FSIP1: variants seen among roughly 807,000 people sequenced by gnomAD.
The protein encoded by FSIP1 is fibrous sheath-interacting protein 1.
A neutral mutation model predicts 60.9 loss-of-function variants in FSIP1; 65 were observed. The ratio of observed to expected loss-of-function variants is 1.07; its 90% CI spans 0.87 to 1.31. FSIP1 has a LOEUF of 1.31. Among genes scored for constraint, FSIP1 ranks in the 40% most tolerant of loss-of-function variants. The pLI, the probability that FSIP1 is intolerant of heterozygous loss-of-function variation, is 0.00. For missense variants in FSIP1, 675 were observed against 665.5 expected, an observed-to-expected ratio of 1.01 and a Z score of -0.16; for synonymous variants, 209 against 221.2, an observed-to-expected ratio of 0.94 and a Z score of 0.49.
chr15:39,616,685 C>A (rs1458040947), intron 11 of FSIP1, among the ~76,000 whole-genome samples: 1 of 152,222 alleles, frequency 6.6e-6, no homozygotes, highest in Admixed American at 6.5e-5. Flanking sequence ...CATGGAGACA[C>A]TGAACAAGTT....
Position 39,651,621 on chromosome 15 carries a change from T to C in FSIP1, c.1189-33376A>G, listed in dbSNP as rs1471721207. ...ATTCAAAACACTTAACACATCATTG[T>C]GTGACTGTTATTGCTTTTTTGCTTA... On this transcript the variant is annotated intron_variant, in intron 10 of 11. Transcript: ENST00000350221. Among the ~76,000 whole-genome samples the C allele has an allele frequency of 2.6e-5, 4 of 152,360 alleles. No homozygotes were observed. The South Asian group carries it at 8.3e-4, about 32-fold the overall frequency.
chr15:39,599,872 G>A (rs1042158463), downstream of FSIP1, among the ~76,000 whole-genome samples: 8 of 152,166 alleles, frequency 5.3e-5, no homozygotes, highest in African/African-American at 1.9e-4. Context: ...TGAACAAATA[G>A]TAAACTGAAA....
intron 10 of FSIP1, among the ~76,000 whole-genome samples, chr15:39,661,542 T>C (rs998167428): frequency 2.6e-5 from 4 of 152,176 alleles, no homozygotes; most frequent in African/African-American, 9.6e-5. Context: ...TCCAAATGGA[T>C]TTGGTTCATT....
In FSIP1 at chr15:39,600,806, T is replaced by G; in HGVS notation, c.*74A>C. 1.7e-6 allele frequency: 2 copies of G among 1,208,256 alleles called. No individual in the cohort carries two copies. Among genetic ancestry groups the G allele is most frequent in the East Asian group, 4.8e-5 (2 of 41,998 alleles). 74.8% of individuals were successfully genotyped at this position (1,208,256 alleles called of 1,614,324 possible). On this transcript the variant is annotated 3_prime_UTR_variant, in exon 12 of 12. Coordinates refer to ENST00000350221, the MANE Select transcript of FSIP1 (RefSeq NM_152597.5). ...AGTCTCTGCAGTGCATTCATTGAAT[T>G]CAAATAATTCAATAAGAAATTTAAT...
chr15:39,710,656 A>G (rs556627782), intron 10 of FSIP1, among the ~76,000 whole-genome samples: 3 of 152,318 alleles, frequency 2.0e-5, no homozygotes, highest in East Asian at 1.9e-4. Flanking sequence ...ATGAAAAGGA[A>G]ATCAAGTCTC....
chr15:39,742,295 A>G (rs1214763842), intron 5 of FSIP1, among the ~76,000 whole-genome samples: 1 of 152,226 alleles, frequency 6.6e-6, no homozygotes, highest in Non-Finnish European at 1.5e-5. Context: ...TAGGTCCCCA[A>G]GGTGGAGACT....
chr15:39,663,659 C>T (rs776760705), intron 10 of FSIP1, among the ~76,000 whole-genome samples: 24 of 151,862 alleles, frequency 1.6e-4, no homozygotes, highest in Non-Finnish European at 2.6e-4. Flanking sequence ...GTAACTTGGG[C>T]AGAAGTAACA....
intron 10 of FSIP1, among the ~76,000 whole-genome samples, chr15:39,711,623 C>A (rs1895511097): frequency 1.3e-5 from 2 of 151,610 alleles, no homozygotes; most frequent in Non-Finnish European, 2.9e-5. Context: ...ACTATCGTTA[C>A]CACTACAATG....
At chr15:39,612,857 T>C (rs1192505110) in intron 11 of FSIP1, among the ~76,000 whole-genome samples, 1 of 152,150 alleles carries the variant, frequency 6.6e-6, no homozygotes, top group Non-Finnish European at 1.5e-5. Context: ...TGTCTCATGA[T>C]AGTTTTAGCT....
chr15:39,652,696 C>G (rs1027344866), intron 10 of FSIP1, among the ~76,000 whole-genome samples: 1 of 152,140 alleles, frequency 6.6e-6, no homozygotes, highest in African/African-American at 2.4e-5. Context: ...TTTCTTATTT[C>G]ATTTGTTATA....
chr15:39,741,740 A>G (rs1896807563), intron 6 of FSIP1, 65 bp downstream of exon 6: 2 of 789,340 alleles, frequency 2.5e-6, no homozygotes, highest in Non-Finnish European at 4.3e-6. Context: ...TCATTTATGA[A>G]TATTTCTGTA....
intron 10 of FSIP1, among the ~76,000 whole-genome samples, chr15:39,622,342 C>T (rs1891470334): frequency 6.6e-6 from 1 of 152,218 alleles, no homozygotes; most frequent in Non-Finnish European, 1.5e-5. Context: ...TATATGAAAG[C>T]CCCTCTCTTC....
At chr15:39,646,585 C>A (rs1417511570) in intron 10 of FSIP1, among the ~76,000 whole-genome samples, 2 of 146,346 alleles carry the variant, frequency 1.4e-5, no homozygotes, top group Non-Finnish European at 1.5e-5. Flanking sequence ...GTCCCAGCTA[C>A]CCTGGAGACT....
intron 10 of FSIP1, among the ~76,000 whole-genome samples, chr15:39,698,959 G>C (rs917047703): frequency 6.6e-6 from 1 of 152,312 alleles, no homozygotes; most frequent in Middle Eastern, 3.4e-3. Context: ...ACAGATAAGA[G>C]GTGATGCAAT....
chr15:39,682,938 C>T (rs771642031), intron 10 of FSIP1, among the ~76,000 whole-genome samples: 2 of 152,136 alleles, frequency 1.3e-5, no homozygotes, highest in East Asian at 1.9e-4. Flanking sequence ...AAATGGAAGA[C>T]GAAGATGCCC....
chr15:39,737,046 G>T (rs1172097808), intron 8 of FSIP1, among the ~76,000 whole-genome samples: 1 of 152,150 alleles, frequency 6.6e-6, no homozygotes, highest in Non-Finnish European at 1.5e-5. Flanking sequence ...ATATGGGCAG[G>T]GGGCCAGCAG....
intron 11 of FSIP1, among the ~76,000 whole-genome samples, chr15:39,614,819 A>T (rs1891166258): frequency 6.6e-6 from 1 of 152,224 alleles, no homozygotes; most frequent in African/African-American, 2.4e-5. Context: ...ATGGAACCAC[A>T]ATAGACCCTG....
chr15:39,763,603 C>T (rs1897578941), intron 5 of FSIP1, among the ~76,000 whole-genome samples: 1 of 152,192 alleles, frequency 6.6e-6, no homozygotes, highest in Non-Finnish European at 1.5e-5. Context: ...CCCTGTCCCC[C>T]TTACCATCAA....
At chr15:39,619,380 A>G (rs1222841388) in intron 10 of FSIP1, among the ~76,000 whole-genome samples, 1 of 152,210 alleles carries the variant, frequency 6.6e-6, no homozygotes, top group African/African-American at 2.4e-5. Context: ...TATGAGTATG[A>G]GGATAATAAG....
Sources: gnomAD v4.1 joint callset for allele counts (sites outside exome capture counted in the v4.1 genomes callset) on GRCh38, gnomAD v4.1.1 for gene constraint, MANE v1.5 for transcripts, NCBI Gene and HGNC (gene_info 2026-07-23, HGNC 2026-07-21) for gene names.